The following PSMG2 variants were observed in gnomAD, a reference collection of about 807,000 sequenced individuals.
PSMG2 encodes proteasome assembly chaperone 2.
Under a neutral mutation model 31.5 loss-of-function variants are expected in PSMG2, and 21 were observed. That is an observed-to-expected ratio of 0.67 (90% CI 0.47 to 0.96). The LOEUF (loss-of-function observed/expected upper bound fraction) is 0.96, where lower values mean the gene tolerates loss of function less well. Among genes scored for constraint, PSMG2 ranks in the 40% least tolerant of loss-of-function variants. The pLI is 0.00. For synonymous variants in PSMG2, 120 were observed against 110.4 expected (o/e 1.09, Z -0.54); for missense variants, 318 against 321.2 (o/e 0.99, Z 0.08).
At chr18:12,664,896 A>G (rs533276174) in intron 1 of PSMG2, among the ~76,000 whole-genome samples, 177 of 151,660 alleles carry the variant, frequency 1.2e-3, no homozygotes, top group Non-Finnish European at 2.1e-3. Context: ...ACAGGGTTTC[A>G]CCACTTTGGC....
Position 12,703,121 on chromosome 18 carries a change from G to A in PSMG2, c.14G>A (p.Cys5Tyr). 1 of 1,612,600 alleles carries A rather than the reference G, an allele frequency of 6.2e-7. No individual in the cohort carries two copies. MFVP[C>Y]GESAPDLAGF... is the part of the protein sequence containing the mutation. ...CCCACTGCGACCATGTTCGTTCCCT[G>A]CGGGGAGTCGGCCCCCGACCTTGCC... is the stretch of plus-strand genomic sequence containing the variant. Residue 5 changes from cysteine to tyrosine, a missense_variant, in exon 1 of 7, where the codon TGC becomes TAC. Coordinates refer to ENST00000317615, the MANE Select transcript of PSMG2 (RefSeq NM_020232.5).
At chr18:12,671,078 ATATT>A (rs1568006661) in intron 1 of PSMG2, 1 of 151,818 alleles carries the variant, frequency 6.6e-6, no homozygotes, top group Non-Finnish European at 1.5e-5. Context: ...AACAAATTGA[ATATT>A]TATTATACAT....
At position 12,705,572 on chromosome 18, in the gene PSMG2, A is replaced by AGTGTGTGTGT. The variant is rs1341255881; in HGVS notation, c.58-977_58-976insTGTGTGTGTG. Among the ~76,000 whole-genome samples, 601 of 129,242 alleles carry AGTGTGTGTGT rather than the reference A, an allele frequency of 4.7e-3. 5 individuals are homozygous for AGTGTGTGTGT. The highest frequency in any genetic ancestry group is 0.04 in the East Asian group (180 of 4,460). The allele number at this position is 129,242 out of a possible 152,430, so 84.8% of individuals were successfully genotyped here. On this transcript the variant is annotated intron_variant, in intron 1 of 6. Coordinates refer to ENST00000317615, the MANE Select transcript of PSMG2 (RefSeq NM_020232.5). ...GAGAGAGAGAGAGAGAGAGAGAGAG[A>AGTGTGTGTGT]GAGAGTGTGTGTGTGTGTGTGTGTG...
chr18:12,721,041 G>A (rs764130003), intron 5 of PSMG2, among the ~76,000 whole-genome samples: 11 of 151,650 alleles, frequency 7.3e-5, no homozygotes, highest in East Asian at 2.0e-4. Context: ...TTAGCTGGGC[G>A]TGATGGTGGG....
At chr18:12,686,172 A>G (rs2145044944) in intron 1 of PSMG2, 1 of 1,081,578 alleles carries the variant, frequency 9.2e-7, no homozygotes, top group East Asian at 2.6e-5. Context: ...CTATATGTGC[A>G]TTTTTCTAAG....
chr18:12,669,801 G>A (rs1005978274), intron 1 of PSMG2, among the ~76,000 whole-genome samples: 1 of 151,932 alleles, frequency 6.6e-6, no homozygotes, highest in Non-Finnish European at 1.5e-5. Flanking sequence ...GGGAGTTTGA[G>A]ACCCTCCTGA....
chr18:12,724,742 A>G (rs2145154929), intron 6 of PSMG2, 123 bp downstream of exon 6: 2 of 1,076,580 alleles, frequency 1.9e-6, no homozygotes, highest in South Asian at 3.6e-5. Flanking sequence ...ATATCTTTAC[A>G]TAAAATTTAG....
chr18:12,675,027 T>C (rs368054002), intron 1 of PSMG2, among the ~76,000 whole-genome samples: 1 of 152,192 alleles, frequency 6.6e-6, no homozygotes, highest in Non-Finnish European at 1.5e-5. Context: ...TAATATCTAC[T>C]ACAAAATACT....
At chr18:12,694,984 G>A (rs969201323) in intron 1 of PSMG2, among the ~76,000 whole-genome samples, 1 of 151,936 alleles carries the variant, frequency 6.6e-6, no homozygotes, top group Admixed American at 6.6e-5. Flanking sequence ...CAAAGTGCTG[G>A]GACTACAGGC....
At chr18:12,699,272 G>T, upstream of PSMG2, 1 of 1,130,530 alleles carries the variant, frequency 8.8e-7, no homozygotes, top group Non-Finnish European at 1.3e-6. Flanking sequence ...AAGACATTAG[G>T]AAATAAAAAC....
At chr18:12,699,933 A>G (rs1439997425), upstream of PSMG2, 1 of 1,440,446 alleles carries the variant, frequency 6.9e-7, no homozygotes, top group Non-Finnish European at 9.5e-7. Context: ...AAAAATCAAA[A>G]CAAATTAGAA....
At chr18:12,701,173 G>T, upstream of PSMG2, 6 of 1,289,284 alleles carry the variant, frequency 4.7e-6, no homozygotes, top group Non-Finnish European at 6.6e-6. Flanking sequence ...TACTGCTTCT[G>T]AAGTTTTAAG....
upstream of PSMG2, chr18:12,699,735 GA>G (rs1182913231): frequency 1.2e-5 from 8 of 684,974 alleles, no homozygotes; most frequent in East Asian, 9.3e-5. Flanking sequence ...ATTTTGGGGG[GA>G]AAAAATGGAA....
At chr18:12,669,123 CT>C (rs113784090) in intron 1 of PSMG2, among the ~76,000 whole-genome samples, 3 of 118,854 alleles carry the variant, frequency 2.5e-5, no homozygotes, top group African/African-American at 6.0e-5. Flanking sequence ...ACGGCAACCT[CT>C]TTTTTTTTGA....
At chr18:12,700,068 C>A, upstream of PSMG2, 3 of 434,298 alleles carry the variant, frequency 6.9e-6, no homozygotes, top group Non-Finnish European at 1.2e-5. Context: ...AAAATAAAAG[C>A]CTGCATAAAA....
At chr18:12,671,512 T>A (rs889021906) in intron 1 of PSMG2, among the ~76,000 whole-genome samples, 1 of 152,058 alleles carries the variant, frequency 6.6e-6, no homozygotes, top group Admixed American at 6.6e-5. Context: ...AAACCCCTCA[T>A]ATCATGTATT....
chr18:12,695,152 A>G (rs2039906410), intron 1 of PSMG2: 5 of 486,964 alleles, frequency 1.0e-5, no homozygotes, highest in African/African-American at 6.0e-5. Flanking sequence ...AGAAAGTAAT[A>G]AATGGTAATT....
intron 1 of PSMG2, chr18:12,661,250 G>T: frequency 2.8e-6 from 1 of 362,120 alleles, no homozygotes; most frequent in Non-Finnish European, 3.8e-6. Flanking sequence ...GGAGCGTGCA[G>T]TGAGCCGAGA....
At chr18:12,718,841 G>T (rs1172966816) in intron 4 of PSMG2, among the ~76,000 whole-genome samples, 1 of 152,154 alleles carries the variant, frequency 6.6e-6, no homozygotes, top group East Asian at 1.9e-4. Flanking sequence ...TAGAGTTGGG[G>T]CATGGGGAAG....
Sources: allele counts gnomAD v4.1 joint callset (sites outside exome capture counted in the v4.1 genomes callset), GRCh38; gene constraint gnomAD v4.1.1; transcripts MANE v1.5; gene names NCBI Gene and HGNC (gene_info 2026-07-23, HGNC 2026-07-21).